The following OVCH1 variants were observed in gnomAD, a reference collection of about 807,000 sequenced individuals.
The protein encoded by OVCH1 is ovochymase 1.
OVCH1 carries 139 observed loss-of-function variants against 138.4 expected under a neutral mutation model. That is an observed-to-expected ratio of 1.00 (90% CI 0.87 to 1.16). The LOEUF is 1.16. Among genes scored for constraint, OVCH1 ranks in the 50% most tolerant of loss-of-function variants. OVCH1 has a pLI of 0.00. For missense variants in OVCH1, 1,367 were observed against 1,357.9 expected (o/e 1.01, Z -0.11); for synonymous variants, 453 against 467.8 (o/e 0.97, Z 0.41).
At chr12:29,492,299 G>C (rs892286382) in intron 4 of OVCH1, among the ~76,000 whole-genome samples, 2 of 149,232 alleles carry the variant, frequency 1.3e-5, no homozygotes, top group African/African-American at 5.0e-5. Flanking sequence ...GGGAGGCCAG[G>C]ATGACTGGAG....
At chr12:29,431,071 T>A (rs763722959) in intron 27 of OVCH1, among the ~76,000 whole-genome samples, 1 of 152,218 alleles carries the variant, frequency 6.6e-6, no homozygotes, top group Non-Finnish European at 1.5e-5. Flanking sequence ...AACATATTTC[T>A]TTATTCTGAT....
At chr12:29,446,184 T>C (rs929626781) in intron 22 of OVCH1, among the ~76,000 whole-genome samples, 36 of 152,228 alleles carry the variant, frequency 2.4e-4, no homozygotes, top group African/African-American at 8.7e-4. Flanking sequence ...AATTTTATTT[T>C]TTTCACTACT....
intron 27 of OVCH1, chr12:29,430,855 A>G (rs754902088): frequency 1.4e-5 from 7 of 516,124 alleles, no homozygotes. Context: ...TCAAATTGTT[A>G]CAAAGTTCAG....
At chr12:29,438,899 A>C (rs1003765087) in intron 26 of OVCH1, among the ~76,000 whole-genome samples, 3 of 152,208 alleles carry the variant, frequency 2.0e-5, no homozygotes, top group Non-Finnish European at 4.4e-5. Context: ...TTCATCAAAT[A>C]ATCTGCTGAG....
chr12:29,482,806 G>A (rs560706561), intron 8 of OVCH1, among the ~76,000 whole-genome samples: 60 of 152,258 alleles, frequency 3.9e-4, no homozygotes, highest in African/African-American at 1.4e-3. Context: ...ATGCTTAACT[G>A]TCTAAGTTGG....
rs534147607 is a variant in OVCH1 at position 29,484,811 on chromosome 12, A to G, written c.995+1435T>C. ...CCTGAGGTTTACAATCTTCAAAAAC[A>G]TGGGAAAAAGCCGATCATTTGCCTC... On this transcript the variant is annotated intron_variant, in intron 8 of 27. Coordinates refer to ENST00000318184, the Ensembl canonical transcript of OVCH1. Among the ~76,000 whole-genome samples the G allele has an allele frequency of 1.2e-4, 19 of 152,296 alleles. No homozygotes were observed. The highest frequency in any genetic ancestry group is 4.6e-4 in the African/African-American group (19 of 41,564).
At chr12:29,455,650 A>T (rs1052087675) in intron 19 of OVCH1, among the ~76,000 whole-genome samples, 1 of 152,210 alleles carries the variant, frequency 6.6e-6, no homozygotes, top group Non-Finnish European at 1.5e-5. Context: ...CATAAAAAGA[A>T]AACAATTACA....
intron 26 of OVCH1, among the ~76,000 whole-genome samples, chr12:29,437,183 C>T (rs892205519): frequency 7.2e-5 from 11 of 152,270 alleles, no homozygotes; most frequent in South Asian, 4.1e-4. Flanking sequence ...AGACACAGAA[C>T]GCCAACTGGT....
chr12:29,490,297 G>A (rs937042227), intron 5 of OVCH1, among the ~76,000 whole-genome samples: 1 of 151,764 alleles, frequency 6.6e-6, no homozygotes, highest in African/African-American at 2.4e-5. Context: ...TATCCAGGCT[G>A]GTCTGGAACT....
intron 22 of OVCH1, among the ~76,000 whole-genome samples, 182 bp downstream of exon 22, chr12:29,451,163 A>AATC (rs1023289727): frequency 6.8e-6 from 1 of 147,766 alleles, no homozygotes; most frequent in African/African-American, 2.6e-5. Context: ...CTTAAAGTAT[A>AATC]ATCATAATAA....
intron 3 of OVCH1, among the ~76,000 whole-genome samples, chr12:29,422,451 T>A (rs1301783852): frequency 1.3e-5 from 2 of 152,172 alleles, no homozygotes; most frequent in African/African-American, 4.8e-5. Flanking sequence ...GGTTGGTCAT[T>A]AGAATTCCAC....
At chr12:29,411,277 G>A (rs12425807), downstream of OVCH1, among the ~76,000 whole-genome samples, 1 of 141,050 alleles carries the variant, frequency 7.1e-6, no homozygotes, top group Non-Finnish European at 1.6e-5. Context: ...CGTAGTTTGA[G>A]CATCTGAAGC....
chr12:29,463,833 C>T (rs1163720493), intron 18 of OVCH1, among the ~76,000 whole-genome samples: 3 of 152,108 alleles, frequency 2.0e-5, no homozygotes, highest in African/African-American at 7.2e-5. Flanking sequence ...CCTTCAAGCT[C>T]ACAGATTCCA....
intron 12 of OVCH1, 54 bp downstream of exon 12, chr12:29,477,041 GTTCTGCC>G: frequency 6.9e-7 from 1 of 1,455,624 alleles, no homozygotes; most frequent in Non-Finnish European, 9.1e-7. Context: ...GATGAATTAA[GTTCTGCC>G]TAACTAACGT....
In OVCH1 at chr12:29,476,192, T is replaced by C. The variant is rs770938474; in HGVS notation, c.1471+14A>G. On this transcript the variant is annotated intron_variant, in intron 13 of 27. Transcript: ENST00000318184. ...GTCTAACACTTTCATATTTAAAGGG[T>C]GAAGTCTACCTACCTAACTTGTGCT... 6.3e-7 allele frequency: 1 copy of C among 1,595,714 alleles called. No individual in the cohort carries two copies. Among genetic ancestry groups the C allele is most frequent in the African/African-American group, 1.3e-5 (1 of 74,634 alleles).
chr12:29,461,003 C>T (rs1397510988), intron 19 of OVCH1, among the ~76,000 whole-genome samples: 2 of 152,160 alleles, frequency 1.3e-5, no homozygotes, highest in Non-Finnish European at 2.9e-5. Context: ...AGGACGTCCA[C>T]CTAGATTAAT....
rs1398852700 is a variant in OVCH1, at chr12:29,471,760, T to G, written c.1856+42A>C. 5 of 1,550,078 alleles carry G rather than the reference T, an allele frequency of 3.2e-6. No individual in the cohort carries two copies. The East Asian group carries it at 9.4e-5, about 29-fold the overall frequency. On this transcript the variant is annotated intron_variant, in intron 16 of 27. Coordinates refer to ENST00000318184, the Ensembl canonical transcript of OVCH1. ...TTGTGTCCTAGGCATTACTTACAAATGCATGTGCTAAATAGGTTGGTAAAA... is the reference window on the plus strand; with the variant it reads ...TTGTGTCCTAGGCATTACTTACAAAGGCATGTGCTAAATAGGTTGGTAAAA...
chr12:29,434,716 CAA>C (rs34624096), intron 26 of OVCH1, among the ~76,000 whole-genome samples: 3 of 151,132 alleles, frequency 2.0e-5, no homozygotes, highest in African/African-American at 7.3e-5. Flanking sequence ...TCCCCAACAA[CAA>C]AAAAAAACCT....
intron 3 of OVCH1, among the ~76,000 whole-genome samples, chr12:29,413,693 G>T (rs991663): frequency 0.79 from 119,985 of 151,780 alleles, 47,659 homozygotes; most frequent in Middle Eastern, 0.88. Context: ...CACACACATT[G>T]GTTTTCCCAT....
Sources: gnomAD v4.1 joint callset for allele counts (sites outside exome capture counted in the v4.1 genomes callset) on GRCh38, gnomAD v4.1.1 for gene constraint, MANE v1.5 for transcripts, NCBI Gene and HGNC (gene_info 2026-07-23, HGNC 2026-07-21) for gene names.